The following SOS2 variants were observed in gnomAD, a reference collection of about 807,000 sequenced individuals.
The protein encoded by SOS2 is SOS Ras/Rho guanine nucleotide exchange factor 2.
SOS2 carries 65 observed loss-of-function variants against 148.2 expected under a neutral mutation model. The observed-to-expected ratio is 0.44, with a 90% CI of 0.36 to 0.54. The LOEUF (loss-of-function observed/expected upper bound fraction) is 0.54. Ranked by LOEUF, SOS2 falls within the 20% of genes least tolerant of loss-of-function variation. The pLI, the probability that SOS2 is intolerant of heterozygous loss-of-function variation, is 0.00. For missense variants in SOS2, 1,341 were observed against 1,590.2 expected (o/e 0.84, Z 2.67); for synonymous variants, 539 against 537.1 (o/e 1.00, Z -0.05).
chr14:50,149,750 T>C (rs994271407), intron 14 of SOS2, among the ~76,000 whole-genome samples: 2 of 152,088 alleles, frequency 1.3e-5, no homozygotes, highest in African/African-American at 2.4e-5. Context: ...GAGAAGGTAT[T>C]AGGAGTTGAA....
At chr14:50,226,823 T>C (rs1887391799) in intron 1 of SOS2, among the ~76,000 whole-genome samples, 1 of 152,214 alleles carries the variant, frequency 6.6e-6, no homozygotes, top group Non-Finnish European at 1.5e-5. Context: ...TTGAGGCATA[T>C]TTCCCATATG....
intron 4 of SOS2, among the ~76,000 whole-genome samples, chr14:50,193,007 GT>G (rs201768638): frequency 6.6e-6 from 1 of 151,292 alleles, no homozygotes; most frequent in Admixed American, 6.6e-5. Context: ...CTTTTTTTTG[GT>G]TTTTTTTGTC....
intron 21 of SOS2, among the ~76,000 whole-genome samples, chr14:50,126,077 CT>C (rs554548967): frequency 1.2e-3 from 180 of 152,290 alleles, no homozygotes; most frequent in African/African-American, 4.2e-3. Context: ...AGATACAGCA[CT>C]TCCCATCAGT....
At chr14:50,143,003 G>C (rs1207703714) in intron 16 of SOS2, among the ~76,000 whole-genome samples, 1 of 152,128 alleles carries the variant, frequency 6.6e-6, no homozygotes, top group East Asian at 1.9e-4. Flanking sequence ...GAAACCATAA[G>C]TGAAGAGACT....
Position 50,159,874 on chromosome 14 carries a change from T to C in SOS2, c.1409A>G (p.Lys470Arg). ...FLFDGLMISCKPNHGQTRLPG... is the reference protein window; with the variant it reads ...FLFDGLMISCRPNHGQTRLPG... ...AAGCCGAGTCTGGCCATGATTAGGT[T>C]TACAACTGATCATTAAGCCATCAAA... The change falls in exon 10 of 23, where the codon AAA becomes AGA. Residue 470 changes from lysine to arginine, a missense_variant. Physicochemically the swap from Lys to Arg is conservative, Grantham distance 26. Transcript: ENST00000216373. 1 of 1,614,108 alleles carries C rather than the reference T, an allele frequency of 6.2e-7. No individual in the cohort carries two copies. Among genetic ancestry groups the C allele is most frequent in the Non-Finnish European group, 8.5e-7 (1 of 1,179,974 alleles).
chr14:50,183,287 T>A (rs946493949), intron 5 of SOS2, among the ~76,000 whole-genome samples: 7 of 152,054 alleles, frequency 4.6e-5, no homozygotes, highest in Non-Finnish European at 1.0e-4. Context: ...AACATGTACA[T>A]CTTGATGTTA....
intron 12 of SOS2, chr14:50,156,381 T>C (rs1433654739): frequency 6.6e-6 from 1 of 152,090 alleles, no homozygotes; most frequent in Non-Finnish European, 1.5e-5. Context: ...TTTCCTTATA[T>C]ATAAAGTAGG....
rs1012615333 is a variant in SOS2 at position 50,199,718 on chromosome 14, G to A, written c.483C>T (p.Asp161=). 3.1e-6 allele frequency: 5 copies of A among 1,608,146 alleles called. No homozygotes were observed. In the Admixed American group the frequency reaches 6.8e-5, roughly 22 times the overall value. Residue 161 remains aspartate, a synonymous_variant, in exon 4 of 23, where the codon GAC becomes GAT. Coordinates refer to ENST00000216373, the MANE Select transcript of SOS2 (RefSeq NM_006939.4). ...NIRHYEISQQ[D]IKVSMCADKV... ...TATCCGCACACATTGACACTTTAAT[G>A]TCCTGCTGAGATATTTCATAATGCC...
chr14:50,151,848 C>T (rs1172874622), intron 13 of SOS2, among the ~76,000 whole-genome samples: 1 of 152,116 alleles, frequency 6.6e-6, no homozygotes, highest in South Asian at 2.1e-4. Context: ...CTCAGCCTCC[C>T]GAGTAGCTGG....
chr14:50,123,403 T>A (rs1188983996), intron 21 of SOS2, among the ~76,000 whole-genome samples: 1 of 122,862 alleles, frequency 8.1e-6, no homozygotes, highest in Admixed American at 9.7e-5. Flanking sequence ...TTTTTTGAGA[T>A]GGAGTTTCAC....
At chr14:50,224,897 A>G (rs530871347) in intron 1 of SOS2, among the ~76,000 whole-genome samples, 1 of 150,888 alleles carries the variant, frequency 6.6e-6, no homozygotes, top group South Asian at 2.1e-4. Flanking sequence ...AAAAAAAAAA[A>G]AGAGAGAGAG....
At chr14:50,144,604 A>G (rs976564415) in intron 16 of SOS2, among the ~76,000 whole-genome samples, 3 of 151,860 alleles carry the variant, frequency 2.0e-5, no homozygotes, top group South Asian at 2.1e-4. Flanking sequence ...TGCCCAGCTA[A>G]TTTTTGTATT....
rs144584870 is a variant in SOS2 at position 50,199,802 on chromosome 14, T to C, written c.399A>G (p.Val133=). The C allele has an allele frequency of 1.8e-5, 29 of 1,595,528 alleles. No homozygotes were observed. The African/African-American group carries it at 3.4e-4, about 18-fold the overall frequency. ...DYHVSLYIVA[V]LEYISADILK... ...AAATATCAGCTGAGATATACTCTAG[T>C]ACAGCCACAATATATAGGGATACAT... The change falls in exon 4 of 23, where the codon GTA becomes GTG. Residue 133 remains valine, a synonymous_variant. Transcript: ENST00000216373.
intron 1 of SOS2, among the ~76,000 whole-genome samples, chr14:50,220,299 G>C (rs1311803644): frequency 2.0e-5 from 3 of 147,818 alleles, no homozygotes; most frequent in Non-Finnish European, 4.5e-5. Context: ...CCAGCTACTA[G>C]GGTGGCTGAG....
In SOS2 at chr14:50,160,002, G is replaced by A. The variant is rs8010578; in HGVS notation, c.1281C>T (p.Ile427=). The change falls in exon 10 of 23, where the codon ATC becomes ATT. Residue 427 remains isoleucine, a synonymous_variant. Coordinates refer to ENST00000216373, the MANE Select transcript of SOS2 (RefSeq NM_006939.4). ...IKKMNEIQKN[I]DGWEGKDIGQ... ...CAATATCTTTGCCTTCCCATCCATC[G>A]ATATTTTTCTGAATTTCATTCATTT... 4.5e-5 allele frequency: 73 copies of A among 1,613,646 alleles called. No homozygotes were observed. The highest frequency in any genetic ancestry group is 4.0e-5 in the Non-Finnish European group (47 of 1,179,816).
At chr14:50,161,685 A>G (rs2139636699) in intron 8 of SOS2, 76 bp from the exon 9 acceptor site, 1 of 1,343,464 alleles carries the variant, frequency 7.4e-7, no homozygotes, top group Non-Finnish European at 1.0e-6. Flanking sequence ...TAGAAAAAGC[A>G]GCAACAAATA....
rs1191670319 is a variant in SOS2 at position 50,178,742 on chromosome 14, A to ATATG, written c.969+1829_969+1830insCATA. On this transcript the variant is annotated intron_variant, in intron 7 of 22. Transcript: ENST00000216373. ...CATATACACACACATATATATATATATATTTTTTGGAGACAGGGTCTTGCT... is the reference window on the plus strand; with the variant it reads ...CATATACACACACATATATATATATATATGTATTTTTTGGAGACAGGGTCTTGCT... Among the ~76,000 whole-genome samples, 7 of 138,884 alleles carry ATATG rather than the reference A, an allele frequency of 5.0e-5. No homozygotes were observed. The East Asian group carries it at 8.1e-4, about 16-fold the overall frequency. The allele number at this position is 138,884 out of a possible 152,430, so 91.1% of individuals were successfully genotyped here. A position where few individuals can be genotyped will look rare whatever the true frequency, so the allele number is the denominator to read the frequency against.
chr14:50,206,539 G>A (rs1886663877), intron 1 of SOS2, among the ~76,000 whole-genome samples: 1 of 152,150 alleles, frequency 6.6e-6, no homozygotes, highest in South Asian at 2.1e-4. Flanking sequence ...ATAATGACAA[G>A]AGAAAAGTCT....
intron 1 of SOS2, among the ~76,000 whole-genome samples, chr14:50,230,348 T>C (rs1887501299): frequency 6.6e-6 from 1 of 152,240 alleles, no homozygotes; most frequent in Middle Eastern, 3.2e-3. Context: ...TCAACAGGCA[T>C]GACAGCTGAT....
Sources: gnomAD v4.1 joint callset for allele counts (sites outside exome capture counted in the v4.1 genomes callset) on GRCh38, gnomAD v4.1.1 for gene constraint, MANE v1.5 for transcripts, NCBI Gene and HGNC (gene_info 2026-07-23, HGNC 2026-07-21) for gene names.